The following BMP8B variants were observed in gnomAD, a reference collection of about 807,000 sequenced individuals.
The protein encoded by BMP8B is bone morphogenetic protein 8b.
BMP8B carries 17 observed loss-of-function variants against 30.3 expected under a neutral mutation model. The observed-to-expected ratio is 0.56, with a 90% CI of 0.38 to 0.84. The LOEUF (loss-of-function observed/expected upper bound fraction) is 0.84, where lower values mean the gene tolerates loss of function less well. Among genes scored for constraint, BMP8B ranks in the 40% least tolerant of loss-of-function variants. The probability of loss-of-function intolerance (pLI) is 0.00; values close to 1 mark genes in which losing one functional copy is unlikely to be tolerated. For synonymous variants in BMP8B, 131 were observed against 214.7 expected (o/e 0.61, Z 3.41); for missense variants, 253 against 494.6 (o/e 0.51, Z 4.63).
At chr1:39,762,518 T>TTTTGA (rs1373559814) in intron 6 of BMP8B, 5 of 1,549,780 alleles carry the variant, frequency 3.2e-6, no homozygotes, top group Non-Finnish European at 4.4e-6. Context: ...TCCTTTAAGG[T>TTTTGA]TGCCCCAGAT....
rs1226215860 is a variant in BMP8B, at chr1:39,770,559, G to A, written c.673+3749C>T. The A allele has an allele frequency of 2.5e-6, 4 of 1,608,172 alleles. No homozygotes were observed. The African/African-American group carries it at 4.1e-5, about 16-fold the overall frequency. ...GTGACGTCTGCAGCTTTGCACATGG[G>A]CACGTTGAAATTGCGGGCGCTTCTC... On this transcript the variant is annotated intron_variant, in intron 3 of 6. Coordinates refer to ENST00000372827, the MANE Select transcript of BMP8B (RefSeq NM_001720.5).
Position 39,760,290 on chromosome 1 carries a change from G to A in BMP8B, c.*129C>T, listed in dbSNP as rs1557466654. The A allele has an allele frequency of 5.0e-6, 7 of 1,407,490 alleles. No individual in the cohort carries two copies. Among genetic ancestry groups the A allele is most frequent in the Non-Finnish European group, 6.7e-6 (7 of 1,041,274 alleles). 87.2% of individuals were successfully genotyped at this position (1,407,490 alleles called of 1,614,324 possible). A position where few individuals can be genotyped will look rare whatever the true frequency, so the allele number is the denominator to read the frequency against. ...CCTGGCATGAAGGAGAAAGGGTCAT[G>A]TACGTGGTTGTGAGGGTCCTCCCTG... On this transcript the variant is annotated 3_prime_UTR_variant, in exon 7 of 7. Coordinates refer to ENST00000372827, the MANE Select transcript of BMP8B (RefSeq NM_001720.5).
At chr1:39,777,890 C>A (rs1810963) in intron 1 of BMP8B, among the ~76,000 whole-genome samples, 1 of 151,436 alleles carries the variant, frequency 6.6e-6, no homozygotes, top group African/African-American at 2.4e-5. Flanking sequence ...AGCTGCTCTC[C>A]CCGGGTGGCC....
At chr1:39,787,163 C>T (rs1461828888) in intron 1 of BMP8B, among the ~76,000 whole-genome samples, 2 of 151,986 alleles carry the variant, frequency 1.3e-5, no homozygotes, top group Non-Finnish European at 2.9e-5. Flanking sequence ...GGATGAAGAC[C>T]GTGGCTGTTA....
intron 1 of BMP8B, among the ~76,000 whole-genome samples, chr1:39,775,277 G>A (rs1365902960): frequency 6.6e-6 from 1 of 152,162 alleles, no homozygotes; most frequent in African/African-American, 2.4e-5. Flanking sequence ...GCTGGCTGGT[G>A]CTCAGCAGGC....
chr1:39,760,638 C>T (rs41267041), intron 6 of BMP8B, 70 bp from the exon 7 acceptor site: 3 of 1,539,132 alleles, frequency 1.9e-6, no homozygotes, highest in Non-Finnish European at 2.6e-6. Flanking sequence ...CCCAGCCCCA[C>T]CCCAGCTCCA....
chr1:39,781,573 G>A (rs1430597500), intron 1 of BMP8B, among the ~76,000 whole-genome samples: 1 of 152,190 alleles, frequency 6.6e-6, no homozygotes, highest in African/African-American at 2.4e-5. Flanking sequence ...TGTATCTTAG[G>A]TTAGGCTCTC....
Position 39,757,393 on chromosome 1 carries a change from T to C in BMP8B, c.*3026A>G, listed in dbSNP as rs1648397241. On this transcript the variant is annotated 3_prime_UTR_variant, in exon 7 of 7. Transcript: ENST00000372827. ...GGAAGAAGCAGAACCAGGATTCAAA[T>C]CTATTTGGCACCAAAAATCTGCCTC... 6.6e-6 allele frequency: 1 copy of C among 152,230 alleles called. No individual in the cohort carries two copies. The highest frequency in any genetic ancestry group is 6.5e-5 in the Admixed American group (1 of 15,282). The allele number at this position is 152,230 out of a possible 1,614,324, so 9.4% of individuals were successfully genotyped here.
rs893974979 is a variant in BMP8B at position 39,788,846 on chromosome 1, T to C, written c.-361A>G. ...CGAGCTCCTGCAGCCACCCGCTTGG[T>C]GCGGTTCCCGCGAGTCCCTGCCCTG... On this transcript the variant is annotated 5_prime_UTR_variant, in exon 1 of 7. Coordinates refer to ENST00000372827, the MANE Select transcript of BMP8B (RefSeq NM_001720.5). The surrounding 1 kb of genome is among the most constrained non-coding windows in gnomAD (Gnocchi z 5.8). 1 of 151,954 alleles carries C rather than the reference T, an allele frequency of 6.6e-6. No individual in the cohort carries two copies. The highest frequency in any genetic ancestry group is 2.4e-5 in the African/African-American group (1 of 41,350). 9.4% of individuals were successfully genotyped at this position (151,954 alleles called of 1,614,324 possible). A position where few individuals can be genotyped will look rare whatever the true frequency, so the allele number is the denominator to read the frequency against.
chr1:39,775,253 C>T (rs1413459993), intron 1 of BMP8B, among the ~76,000 whole-genome samples: 5 of 152,172 alleles, frequency 3.3e-5, no homozygotes, highest in Non-Finnish European at 7.4e-5. Context: ...GCCAGGCTCA[C>T]CCTGAGCCCC....
chr1:39,775,726 C>T (rs565550898), intron 1 of BMP8B, among the ~76,000 whole-genome samples: 97 of 152,322 alleles, frequency 6.4e-4, no homozygotes, highest in African/African-American at 2.2e-3. Context: ...AGGAGACCCA[C>T]GTTTCCTTTC....
intron 3 of BMP8B, chr1:39,769,651 C>A: frequency 6.8e-7 from 1 of 1,475,684 alleles, no homozygotes; most frequent in South Asian, 1.4e-5. Flanking sequence ...CTGGGGAACC[C>A]GGTGGCACCC....
chr1:39,762,957 G>T, intron 6 of BMP8B, 135 bp downstream of exon 6: 2 of 1,138,034 alleles, frequency 1.8e-6, no homozygotes, highest in Non-Finnish European at 2.6e-6. Flanking sequence ...AGTTAGCGAC[G>T]TTACTGACTG....
intron 1 of BMP8B, among the ~76,000 whole-genome samples, chr1:39,776,992 TC>T (rs768352927): frequency 1.4e-4 from 21 of 152,230 alleles, no homozygotes; most frequent in Non-Finnish European, 2.6e-4. Context: ...GGTTATGGGC[TC>T]AAGAGTAATG....
chr1:39,778,695 A>C (rs1011742294), intron 1 of BMP8B, among the ~76,000 whole-genome samples: 7 of 152,242 alleles, frequency 4.6e-5, no homozygotes. Context: ...CCTCCACATC[A>C]AGCCCGCCAA....
In BMP8B at chr1:39,788,106, G is replaced by A. The variant is rs1234582556; in HGVS notation, c.334+46C>T. The A allele has an allele frequency of 2.7e-6, 4 of 1,499,592 alleles. No individual in the cohort carries two copies. Among genetic ancestry groups the A allele is most frequent in the Non-Finnish European group, 3.5e-6 (4 of 1,135,272 alleles). The allele number at this position is 1,499,592 out of a possible 1,614,324, so 92.9% of individuals were successfully genotyped here. A position where few individuals can be genotyped will look rare whatever the true frequency, so the allele number is the denominator to read the frequency against. On this transcript the variant is annotated intron_variant, in intron 1 of 6. Coordinates refer to ENST00000372827, the MANE Select transcript of BMP8B (RefSeq NM_001720.5). This position sits in a 1 kb window ranked among gnomAD's most constrained non-coding sequence, Gnocchi z 5.8. ...GCCCGCGGATGCGCGCCCCTCCCCT[G>A]CAGCCAGCTTACTCCGAGGGTCCCC...
intron 1 of BMP8B, among the ~76,000 whole-genome samples, chr1:39,779,546 G>C (rs1650475265): frequency 6.6e-6 from 1 of 152,250 alleles, no homozygotes; most frequent in Admixed American, 6.5e-5. Flanking sequence ...ACACAATGCA[G>C]GACAGGTGCT....
At chr1:39,787,493 C>G (rs555341571) in intron 1 of BMP8B, among the ~76,000 whole-genome samples, 1 of 152,190 alleles carries the variant, frequency 6.6e-6, no homozygotes, top group Non-Finnish European at 1.5e-5. Flanking sequence ...CGGGCTTTGC[C>G]TGGGAGAACA....
Position 39,763,709 on chromosome 1 carries a change from T to A in BMP8B, c.948+3A>T. The stretch of plus-strand genomic sequence containing the variant: ...TTCAGAAACAAGAAGAGTCAGCAAT[T>A]ACCAGCCAGCCGAGGTCCTGGAAGC... On this transcript the variant is annotated splice_donor_region_variant and intron_variant, in intron 5 of 6. Transcript: ENST00000372827. 1 of 1,598,956 alleles carries A rather than the reference T, an allele frequency of 6.3e-7. No homozygotes were observed.
Sources: allele counts gnomAD v4.1 joint callset (sites outside exome capture counted in the v4.1 genomes callset), GRCh38; gene constraint gnomAD v4.1.1; non-coding constraint Gnocchi (gnomAD v3.1); transcripts MANE v1.5; gene names NCBI Gene and HGNC (gene_info 2026-07-23, HGNC 2026-07-21).